The following UMAD1 variants were observed in gnomAD, a reference collection of about 807,000 sequenced individuals.
The protein encoded by UMAD1 is UBAP1-MVB12-associated (UMA)-domain containing protein 1.
UMAD1 carries 8 observed loss-of-function variants against 6.1 expected under a neutral mutation model. The observed-to-expected ratio is 1.30, with a 90% CI of 0.76 to 2.35. UMAD1 has a LOEUF of 2.35. Ranked by LOEUF, UMAD1 falls within the 30% of genes most tolerant of loss-of-function variation. UMAD1 has a pLI of 0.00. For synonymous variants in UMAD1, 56 were observed against 31.4 expected (o/e 1.78, Z -2.61); for missense variants, 130 against 78.4 (o/e 1.66, Z -2.49).
chr7:7,798,373 T>G (rs1782728345), intron 2 of UMAD1, among the ~76,000 whole-genome samples: 1 of 152,204 alleles, frequency 6.6e-6, no homozygotes, highest in African/African-American at 2.4e-5. Context: ...ATCGCATGGC[T>G]GTACTATAAG....
chr7:7,801,279 C>T (rs1782793566), intron 2 of UMAD1, among the ~76,000 whole-genome samples: 2 of 152,142 alleles, frequency 1.3e-5, no homozygotes, highest in Admixed American at 6.5e-5. Flanking sequence ...AAAGAGTAAG[C>T]CTTATGAAAA....
chr7:7,689,392 C>T (rs1368535736), intron 2 of UMAD1: 1 of 152,192 alleles, frequency 6.6e-6, no homozygotes, highest in East Asian at 1.9e-4. Context: ...AAGGAGGAAG[C>T]AACCATGATG....
chr7:7,825,576 A>T (rs1167523395), intron 3 of UMAD1, among the ~76,000 whole-genome samples: 1 of 152,168 alleles, frequency 6.6e-6, no homozygotes, highest in African/African-American at 2.4e-5. Context: ...CTTATTCACT[A>T]TCATGAGAAC....
intron 2 of UMAD1, among the ~76,000 whole-genome samples, chr7:7,722,011 A>T (rs988852660): frequency 2.6e-5 from 4 of 151,970 alleles, no homozygotes; most frequent in African/African-American, 9.7e-5. Flanking sequence ...CCCATGCTGG[A>T]TGCTTCCTGT....
intron 2 of UMAD1, among the ~76,000 whole-genome samples, chr7:7,716,819 G>C (rs972299966): frequency 4.6e-5 from 7 of 152,058 alleles, no homozygotes; most frequent in Admixed American, 3.3e-4. Context: ...GGTGGCGGGC[G>C]CCCATAATCC....
At chr7:7,810,345 C>G (rs1434471076) in intron 3 of UMAD1, among the ~76,000 whole-genome samples, 1 of 152,000 alleles carries the variant, frequency 6.6e-6, no homozygotes, top group Non-Finnish European at 1.5e-5. Context: ...GACAGTAATT[C>G]CACTTTTAGG....
At chr7:7,832,690 A>G (rs939503113) in intron 3 of UMAD1, among the ~76,000 whole-genome samples, 3 of 152,324 alleles carry the variant, frequency 2.0e-5, no homozygotes, top group Middle Eastern at 3.4e-3. Context: ...ATAATGTACC[A>G]TGCTACCACG....
intron 2 of UMAD1, among the ~76,000 whole-genome samples, chr7:7,759,847 G>T (rs1269750471): frequency 6.6e-6 from 1 of 152,156 alleles, no homozygotes; most frequent in Non-Finnish European, 1.5e-5. Flanking sequence ...AAGTGGCTCA[G>T]ACTTTCTGGG....
At chr7:7,728,969 C>T (rs1314420815) in intron 2 of UMAD1, among the ~76,000 whole-genome samples, 1 of 152,172 alleles carries the variant, frequency 6.6e-6, no homozygotes, top group Admixed American at 6.5e-5. Context: ...ACATATACGA[C>T]AACCTAAATA....
intron 2 of UMAD1, among the ~76,000 whole-genome samples, chr7:7,746,492 T>A (rs569607581): frequency 9.8e-5 from 15 of 152,330 alleles, no homozygotes; most frequent in Admixed American, 2.6e-4. Context: ...CTCACATACG[T>A]TTAAAGTCTT....
At chr7:7,818,547 A>G (rs1783176679) in intron 3 of UMAD1, among the ~76,000 whole-genome samples, 1 of 152,240 alleles carries the variant, frequency 6.6e-6, no homozygotes. Flanking sequence ...AGAAAAGAGA[A>G]TGCTTATATA....
chr7:7,704,766 C>CAAAAAAAAAAA (rs71011001), intron 2 of UMAD1, among the ~76,000 whole-genome samples: 2 of 17,852 alleles, frequency 1.1e-4, no homozygotes, highest in African/African-American at 2.1e-4. Flanking sequence ...GACTCCATCT[C>CAAAAAAAAAAA]AAAAAAAAAA....
chr7:7,849,981 A>C (rs1783881255), intron 3 of UMAD1, among the ~76,000 whole-genome samples: 1 of 152,188 alleles, frequency 6.6e-6, no homozygotes, highest in Admixed American at 6.6e-5. Context: ...CAGATTGGCA[A>C]AGATTAAAAA....
intron 1 of UMAD1, among the ~76,000 whole-genome samples, chr7:7,663,016 T>G (rs897534812): frequency 5.3e-5 from 8 of 152,026 alleles, no homozygotes; most frequent in African/African-American, 1.9e-4. Context: ...TGAAAAAGCC[T>G]TTTTTGCCTG....
rs551202894 is a variant in UMAD1 at position 7,644,884 on chromosome 7, T to C, written c.-64+4063T>C. Among the ~76,000 whole-genome samples the C allele has an allele frequency of 3.8e-4, 58 of 152,350 alleles. 1 individual carries two copies. The South Asian group carries it at 7.2e-3, about 19-fold the overall frequency. ...GTTGGAATTTTGATCAAAATTGCAC[T>C]GTATCCTTGGATGTATTTCAGGAAA... On this transcript the variant is annotated intron_variant, in intron 1 of 3. Transcript: ENST00000682710.
In UMAD1 at chr7:7,879,210, C is replaced by G. The variant is rs1402773713; in HGVS notation, c.*1672C>G. ...TTAAAATAAAATTTTTGATTATTTT[C>G]AGATCCAGAAAAATGGGTTTGATTG... On this transcript the variant is annotated 3_prime_UTR_variant, in exon 4 of 4. Transcript: ENST00000682710. 2 of 152,056 alleles carry G rather than the reference C, an allele frequency of 1.3e-5. No individual in the cohort carries two copies. Among genetic ancestry groups the G allele is most frequent in the East Asian group, 1.9e-4 (1 of 5,202 alleles). The allele number at this position is 152,056 out of a possible 1,614,324, so 9.4% of individuals were successfully genotyped here. A position where few individuals can be genotyped will look rare whatever the true frequency, so the allele number is the denominator to read the frequency against.
intron 3 of UMAD1, among the ~76,000 whole-genome samples, chr7:7,854,135 C>A (rs112023060): frequency 1.3e-5 from 2 of 151,854 alleles, no homozygotes; most frequent in Admixed American, 6.6e-5. Context: ...GCAAGCAGAT[C>A]CCCTGAGGCT....
chr7:7,805,070 C>A (rs1459636732), intron 3 of UMAD1, among the ~76,000 whole-genome samples: 1 of 152,132 alleles, frequency 6.6e-6, no homozygotes, highest in Non-Finnish European at 1.5e-5. Flanking sequence ...TAGATATAGT[C>A]AAAAATGAGT....
At chr7:7,714,894 A>T (rs1780858133) in intron 2 of UMAD1, among the ~76,000 whole-genome samples, 1 of 145,754 alleles carries the variant, frequency 6.9e-6, no homozygotes, top group African/African-American at 2.5e-5. Flanking sequence ...ACACTTGCAG[A>T]CCTGTTGTAC....
Sources: allele counts gnomAD v4.1 joint callset (sites outside exome capture counted in the v4.1 genomes callset), GRCh38; gene constraint gnomAD v4.1.1; transcripts MANE v1.5; gene names NCBI Gene and HGNC (gene_info 2026-07-23, HGNC 2026-07-21).